Variants in TBC1D32 observed in about 807,000 individuals in gnomAD.
TBC1D32 encodes the protein TBC1 domain family member 32.
A neutral mutation model predicts 170.3 loss-of-function variants in TBC1D32; 151 were observed. The ratio of observed to expected loss-of-function variants is 0.89; its 90% confidence interval spans 0.78 to 1.01. The LOEUF (loss-of-function observed/expected upper bound fraction) is 1.01. Ranked by LOEUF, TBC1D32 falls within the 50% of genes least tolerant of loss-of-function variation. The pLI, the probability that TBC1D32 is intolerant of heterozygous loss-of-function variation, is 0.00. For missense variants in TBC1D32, 1,464 were observed against 1,457.1 expected (o/e 1.00, Z -0.08); for synonymous variants, 498 against 488.0 (o/e 1.02, Z -0.27).
chr6:121,137,173 A>G (rs1202653562), intron 24 of TBC1D32, among the ~76,000 whole-genome samples: 1 of 152,112 alleles, frequency 6.6e-6, no homozygotes, highest in African/African-American at 2.4e-5. Context: ...AAAGTAATTT[A>G]TATTTTCTAG....
intron 3 of TBC1D32, among the ~76,000 whole-genome samples, chr6:121,312,460 T>C (rs951677751): frequency 6.6e-6 from 1 of 152,198 alleles, no homozygotes. Context: ...ATAATCATAG[T>C]TCAATGTGGC....
chr6:121,317,405 G>A, intron 3 of TBC1D32, 90 bp downstream of exon 3: 1 of 1,000,652 alleles, frequency 1.0e-6, no homozygotes, highest in Non-Finnish European at 1.4e-6. Context: ...TCTTAAGAAG[G>A]CAGGAAAAAT....
At chr6:121,143,170 T>A (rs1783010737) in intron 24 of TBC1D32, among the ~76,000 whole-genome samples, 1 of 152,094 alleles carries the variant, frequency 6.6e-6, no homozygotes, top group Non-Finnish European at 1.5e-5. Flanking sequence ...GTAGAAATGA[T>A]ATTCTAAGTA....
At chr6:121,117,904 C>A (rs374643050) in intron 26 of TBC1D32, among the ~76,000 whole-genome samples, 2 of 151,944 alleles carry the variant, frequency 1.3e-5, no homozygotes, top group South Asian at 4.1e-4. Flanking sequence ...ACTACATTAA[C>A]TTATAAAGCA....
At chr6:121,091,932 A>G (rs1376831684) in intron 30 of TBC1D32, among the ~76,000 whole-genome samples, 2 of 152,182 alleles carry the variant, frequency 1.3e-5, no homozygotes, top group Non-Finnish European at 1.5e-5. Context: ...GGCAGACAAA[A>G]GGAAGACAAT....
At chr6:121,093,137 C>T (rs1777011233) in intron 30 of TBC1D32, among the ~76,000 whole-genome samples, 1 of 152,050 alleles carries the variant, frequency 6.6e-6, no homozygotes, top group Non-Finnish European at 1.5e-5. Flanking sequence ...ATATTAAATT[C>T]TCCTTGGTCC....
In TBC1D32 at chr6:121,239,469, C is replaced by T. The variant is rs533363307; in HGVS notation, c.2246-281G>A. Among the ~76,000 whole-genome samples, 10 of 152,136 alleles carry T rather than the reference C, an allele frequency of 6.6e-5. No homozygotes were observed. The South Asian group carries it at 2.1e-3, about 32-fold the overall frequency. ...TTGAGTCCCAGCTTCTTCACTTTGGCCTATAACTTCTCTGAGCATGTTTTC... is the reference window on the plus strand; with the variant it reads ...TTGAGTCCCAGCTTCTTCACTTTGGTCTATAACTTCTCTGAGCATGTTTTC... On this transcript the variant is annotated intron_variant, in intron 19 of 31. Transcript: ENST00000398212.
chr6:121,197,806 A>G (rs1406184177), intron 22 of TBC1D32, among the ~76,000 whole-genome samples: 2 of 152,196 alleles, frequency 1.3e-5, no homozygotes, highest in African/African-American at 4.8e-5. Flanking sequence ...ATTGGACTGT[A>G]TGATACAAAG....
At chr6:121,285,838 G>A (rs1046730593) in intron 12 of TBC1D32, among the ~76,000 whole-genome samples, 2 of 152,146 alleles carry the variant, frequency 1.3e-5, no homozygotes, top group Non-Finnish European at 2.9e-5. Flanking sequence ...ACCAATATCC[G>A]CTGTTCTGCA....
At chr6:121,218,388 AG>A (rs1191303842) in intron 21 of TBC1D32, among the ~76,000 whole-genome samples, 1 of 152,182 alleles carries the variant, frequency 6.6e-6, no homozygotes, top group Non-Finnish European at 1.5e-5. Context: ...CTTGAACTGT[AG>A]TTCCCATAAT....
At chr6:121,247,138 T>C (rs1797714885) in intron 17 of TBC1D32, among the ~76,000 whole-genome samples, 1 of 152,186 alleles carries the variant, frequency 6.6e-6, no homozygotes. Context: ...GTAGAAACCT[T>C]ACAAGCCAGA....
chr6:121,308,706 T>TTTTTTTTTTG, intron 4 of TBC1D32, among the ~76,000 whole-genome samples: 1 of 121,366 alleles, frequency 8.2e-6, no homozygotes, highest in Non-Finnish European at 1.8e-5. Context: ...TTTTTTTTTT[T>TTTTTTTTTTG]GAGACGGAGT....
rs373597568 is a variant in TBC1D32 at position 121,095,360 on chromosome 6, C to A, written c.3466-4319G>T. ...CCTCCTTGTAACTAGAATTAAAAAA[C>A]AATCTTCAAAGGTTCTCATAAGAAC... On this transcript the variant is annotated intron_variant, in intron 30 of 31. Transcript: ENST00000398212. 1.8e-4 allele frequency among the ~76,000 whole-genome samples: 27 copies of A among 152,252 alleles called. No individual in the cohort carries two copies. In the East Asian group the frequency reaches 4.6e-3, roughly 26 times the overall value.
Position 121,112,632 on chromosome 6 carries a change from T to C in TBC1D32, c.3197A>G (p.His1066Arg), listed in dbSNP as rs371460758. Residue 1066 changes from histidine to arginine, a missense_variant, in exon 29 of 32, where the codon CAT becomes CGT. Coordinates refer to ENST00000398212, the MANE Select transcript of TBC1D32 (RefSeq NM_152730.6). ...GAACAGAGAAGATACAAACCAGTCA[T>C]GGCCAGCATAATTCCCTTGCAGGCA... The part of the protein sequence containing the change: ...LLCLQGNYAG[H>R]DWFVSSLFMI... 27 of 1,596,736 alleles carry C rather than the reference T, an allele frequency of 1.7e-5. No individual in the cohort carries two copies. Among genetic ancestry groups the C allele is most frequent in the African/African-American group, 2.7e-5 (2 of 74,364 alleles).
chr6:121,256,020 T>C (rs544831570), intron 16 of TBC1D32, 64 bp downstream of exon 16: 5 of 1,388,404 alleles, frequency 3.6e-6, no homozygotes, highest in South Asian at 2.6e-5. Context: ...TACAACACTA[T>C]AATGGTGCTT....
At chr6:121,086,005 G>C (rs1165641818) in intron 31 of TBC1D32, among the ~76,000 whole-genome samples, 3 of 150,996 alleles carry the variant, frequency 2.0e-5, no homozygotes, top group Non-Finnish European at 4.4e-5. Context: ...GGAGAAAAAT[G>C]GGAGCAAAAG....
At chr6:121,235,566 C>A (rs1796234669) in intron 20 of TBC1D32, among the ~76,000 whole-genome samples, 1 of 152,168 alleles carries the variant, frequency 6.6e-6, no homozygotes, top group Non-Finnish European at 1.5e-5. Context: ...TGCTCTCATG[C>A]AGCTGACAGT....
intron 22 of TBC1D32, among the ~76,000 whole-genome samples, chr6:121,182,474 T>G (rs543364372): frequency 1.5e-4 from 23 of 152,212 alleles, no homozygotes; most frequent in Non-Finnish European, 2.6e-4. Context: ...AGATTTGATA[T>G]CAGCTAAATG....
chr6:121,169,147 C>T (rs1339692445), intron 22 of TBC1D32, among the ~76,000 whole-genome samples: 1 of 152,184 alleles, frequency 6.6e-6, no homozygotes, highest in Non-Finnish European at 1.5e-5. Context: ...CTGGAAGCAT[C>T]ACACTACCTG....
Sources: allele counts gnomAD v4.1 joint callset (sites outside exome capture counted in the v4.1 genomes callset), GRCh38; gene constraint gnomAD v4.1.1; transcripts MANE v1.5; gene names NCBI Gene and HGNC (gene_info 2026-07-23, HGNC 2026-07-21).